ARSG: variants seen among roughly 807,000 people sequenced by gnomAD.
The protein encoded by ARSG is ASG.
A neutral mutation model predicts 50.5 loss-of-function variants in ARSG; 37 were observed. The observed-to-expected ratio is 0.73, with a 90% CI of 0.56 to 0.96. ARSG has a LOEUF of 0.96. Among genes scored for constraint, ARSG ranks in the 50% least tolerant of loss-of-function variants. ARSG has a pLI of 0.00. For missense variants in ARSG, 629 were observed against 675.3 expected (o/e 0.93, Z 0.76); for synonymous variants, 225 against 254.6 (o/e 0.88, Z 1.11).
At chr17:68,390,806 T>C (rs1405812018) in intron 9 of ARSG, among the ~76,000 whole-genome samples, 1 of 152,058 alleles carries the variant, frequency 6.6e-6, no homozygotes, top group Non-Finnish European at 1.5e-5. Context: ...TTTGTATTTT[T>C]AGTAGAGACA....
At chr17:68,371,192 C>T (rs376333654) in intron 8 of ARSG, among the ~76,000 whole-genome samples, 206 of 151,872 alleles carry the variant, frequency 1.4e-3, no homozygotes, top group African/African-American at 4.5e-3. Flanking sequence ...TGGTGGCGGG[C>T]GCCTGTAGTC....
At chr17:68,389,178 C>T (rs2080875720) in intron 9 of ARSG, among the ~76,000 whole-genome samples, 1 of 150,894 alleles carries the variant, frequency 6.6e-6, no homozygotes, top group Non-Finnish European at 1.5e-5. Context: ...AAGTCCTCTC[C>T]TCCTCCCTGG....
intron 9 of ARSG, among the ~76,000 whole-genome samples, chr17:68,391,522 G>C (rs761479126): frequency 1.9e-4 from 29 of 152,134 alleles, no homozygotes; most frequent in Non-Finnish European, 3.7e-4. Context: ...AGAGAGTAGT[G>C]GGGGGAAATC....
intron 11 of ARSG, among the ~76,000 whole-genome samples, chr17:68,403,292 A>G (rs1246448446): frequency 1.3e-5 from 2 of 152,208 alleles, no homozygotes; most frequent in African/African-American, 4.8e-5. Flanking sequence ...CCTTGGCACC[A>G]CAATGTTGGA....
chr17:68,354,060 G>A (rs1354345876), intron 5 of ARSG, among the ~76,000 whole-genome samples: 1 of 126,864 alleles, frequency 7.9e-6, no homozygotes, highest in Non-Finnish European at 1.7e-5. Context: ...TGTTCCTTCT[G>A]TATTTTTTTA....
intron 9 of ARSG, among the ~76,000 whole-genome samples, chr17:68,392,667 T>G (rs751166380): frequency 4.6e-5 from 7 of 152,098 alleles, no homozygotes; most frequent in Non-Finnish European, 1.0e-4. Flanking sequence ...ACCCAGCTAA[T>G]TTTTATATTT....
chr17:68,265,979 T>C (rs1476030482), intron 1 of ARSG, among the ~76,000 whole-genome samples: 3 of 152,136 alleles, frequency 2.0e-5, no homozygotes, highest in Admixed American at 6.6e-5. Flanking sequence ...TCTGGACCTT[T>C]ACAGAAAAAG....
chr17:68,403,787 C>A (rs1309509951), intron 11 of ARSG, among the ~76,000 whole-genome samples: 1 of 152,092 alleles, frequency 6.6e-6, no homozygotes, highest in African/African-American at 2.4e-5. Context: ...TATACATGTG[C>A]CATGTTGGTG....
chr17:68,407,611 T>TC (rs1568588448), intron 11 of ARSG, among the ~76,000 whole-genome samples: 2 of 151,986 alleles, frequency 1.3e-5, no homozygotes, highest in African/African-American at 4.8e-5. Flanking sequence ...TTTTTTTTTT[T>TC]CAGCTATTGT....
At chr17:68,340,190 C>A (rs577726398) in intron 2 of ARSG, among the ~76,000 whole-genome samples, 1 of 152,112 alleles carries the variant, frequency 6.6e-6, no homozygotes, top group South Asian at 2.1e-4. Flanking sequence ...GCATAACATT[C>A]TTTTCTAATG....
rs2076637770 is a variant in ARSG, at chr17:68,307,118, G to T, written c.-376G>T. The stretch of plus-strand genomic sequence containing the variant: ...GCCTGTGCTGTGGCTCTGAGGCCCT[G>T]AATACAGAAGGGTCACTTTCTTAGT... On this transcript the variant is annotated 5_prime_UTR_variant, in exon 2 of 12. Coordinates refer to ENST00000621439, the MANE Select transcript of ARSG (RefSeq NM_001267727.2). The T allele has an allele frequency of 4.9e-6, 1 of 204,226 alleles. No individual in the cohort carries two copies. Among genetic ancestry groups the T allele is most frequent in the Non-Finnish European group, 9.9e-6 (1 of 100,714 alleles). 12.7% of individuals were successfully genotyped at this position (204,226 alleles called of 1,614,324 possible).
the ARSG span, chr17:68,436,538 G>C: frequency 6.6e-7 from 1 of 1,522,418 alleles, no homozygotes. Context: ...TTGCACGGCT[G>C]GAGAGGGCAT....
At chr17:68,406,815 G>C (rs2081744785) in intron 11 of ARSG, among the ~76,000 whole-genome samples, 1 of 152,104 alleles carries the variant, frequency 6.6e-6, no homozygotes, top group Non-Finnish European at 1.5e-5. Context: ...TTCTCCCACT[G>C]TGTGGGCTGT....
At chr17:68,287,872 G>C (rs1484436639), upstream of ARSG, among the ~76,000 whole-genome samples, 1 of 152,072 alleles carries the variant, frequency 6.6e-6, no homozygotes, top group Non-Finnish European at 1.5e-5. Context: ...AGGGGAGAAA[G>C]TGCTTGGTTG....
chr17:68,352,271 A>G (rs1186994196), intron 5 of ARSG, among the ~76,000 whole-genome samples: 1 of 152,094 alleles, frequency 6.6e-6, no homozygotes, highest in Non-Finnish European at 1.5e-5. Flanking sequence ...TGGAATGCCA[A>G]ACAGGCACCA....
chr17:68,435,589 C>T, the ARSG span: 1 of 1,609,564 alleles, frequency 6.2e-7, no homozygotes. Context: ...CAGCGAAACC[C>T]AGACAGAGGT....
intron 1 of ARSG, among the ~76,000 whole-genome samples, chr17:68,276,413 C>T (rs2145034834): frequency 6.6e-6 from 1 of 152,186 alleles, no homozygotes; most frequent in South Asian, 2.1e-4. Flanking sequence ...TAAGTGTAAA[C>T]TTAGGGAAGT....
chr17:68,370,968 T>C (rs2079809723), intron 8 of ARSG, among the ~76,000 whole-genome samples: 1 of 129,898 alleles, frequency 7.7e-6, no homozygotes. Context: ...ATGTACATTG[T>C]CTCCAGTTCT....
intron 6 of ARSG, among the ~76,000 whole-genome samples, chr17:68,366,677 ATGTGTGTGTGTG>A (rs3072873): frequency 6.7e-6 from 1 of 148,360 alleles, no homozygotes; most frequent in South Asian, 2.1e-4. Flanking sequence ...GAATTTATGT[ATGTGTGTGTGTG>A]TGTGTGTGTG....
Sources: allele counts gnomAD v4.1 joint callset (sites outside exome capture counted in the v4.1 genomes callset), GRCh38; gene constraint gnomAD v4.1.1; transcripts MANE v1.5; gene names NCBI Gene and HGNC (gene_info 2026-07-23, HGNC 2026-07-21).